PLB1: variants seen among roughly 807,000 people sequenced by gnomAD.
The protein encoded by PLB1 is phospholipase B1, membrane-associated.
In PLB1, 242 loss-of-function variants were observed where a neutral mutation model predicts 227.4. The observed-to-expected ratio is 1.06, with a 90% CI of 0.96 to 1.18. The LOEUF is 1.18. Among genes scored for constraint, PLB1 ranks in the 50% most tolerant of loss-of-function variants. PLB1 has a pLI of 0.00. For synonymous variants in PLB1, 757 were observed against 682.2 expected (o/e 1.11, Z -1.71); for missense variants, 1,858 against 1,816.3 (o/e 1.02, Z -0.42).
At chr2:28,599,012 T>C (rs1683437332) in intron 35 of PLB1, among the ~76,000 whole-genome samples, 1 of 152,228 alleles carries the variant, frequency 6.6e-6, no homozygotes, top group Non-Finnish European at 1.5e-5. Flanking sequence ...GTTCTCATAA[T>C]TGGACGAATC....
chr2:28,610,417 C>G (rs1558910874), intron 43 of PLB1, among the ~76,000 whole-genome samples: 1 of 152,046 alleles, frequency 6.6e-6, no homozygotes, highest in Non-Finnish European at 1.5e-5. Context: ...TCCCAAAGTG[C>G]TGGGATTACA....
At chr2:28,509,461 C>A (rs975018947) in intron 1 of PLB1, among the ~76,000 whole-genome samples, 53 of 152,228 alleles carry the variant, frequency 3.5e-4, no homozygotes, top group Non-Finnish European at 7.3e-5. Context: ...CTGAGAGCCA[C>A]TGCTTTAGAA....
chr2:28,531,314 T>C (rs1393178355), intron 8 of PLB1, among the ~76,000 whole-genome samples: 1 of 152,186 alleles, frequency 6.6e-6, no homozygotes, highest in Non-Finnish European at 1.5e-5. Flanking sequence ...TTGTTTTGTT[T>C]TGTTTTGTTT....
chr2:28,630,454 C>T lies in PLB1; in HGVS notation c.3819-132C>T, dbSNP rs187657656. On this transcript the variant is annotated intron_variant, in intron 53 of 57. Coordinates refer to ENST00000327757, the MANE Select transcript of PLB1 (RefSeq NM_153021.5). The stretch of plus-strand genomic sequence containing the variant: ...GTGGGGATACTTGTGTGTCACCCCC[C>T]GCCCTAGGTAAGGCAGCACAGGCTG... The T allele has an allele frequency of 6.4e-4, 417 of 650,782 alleles. No homozygotes were observed. The African/African-American group carries it at 6.6e-3, about 10-fold the overall frequency. 40.3% of individuals were successfully genotyped at this position (650,782 alleles called of 1,614,324 possible).
chr2:28,524,843 T>TA (rs1670010488), intron 4 of PLB1, among the ~76,000 whole-genome samples: 2 of 107,888 alleles, frequency 1.9e-5, no homozygotes, highest in African/African-American at 8.2e-5. Context: ...TCTCTCTCTC[T>TA]CTTTTTTTTT....
intron 25 of PLB1, chr2:28,585,443 T>G: frequency 3.7e-6 from 1 of 271,786 alleles, no homozygotes; most frequent in African/African-American, 2.2e-5. Flanking sequence ...CCCAAGCTAA[T>G]AGTTTGTATT....
chr2:28,598,003 A>G lies in PLB1; in HGVS notation c.2322-2A>G, dbSNP rs183589107. On this transcript the variant is annotated splice_acceptor_variant, in intron 33 of 57. Transcript: ENST00000327757. LOFTEE classifies it high-confidence loss of function. ...ATTCACTGGCTTGCTCACTCCCTAC[A>G]GTGCAGGAGGGGACGGCTCCCTGGA... 7.4e-6 allele frequency: 12 copies of G among 1,612,522 alleles called. No homozygotes were observed. In the Admixed American group the frequency reaches 1.7e-4, roughly 22 times the overall value.
intron 33 of PLB1, 75 bp downstream of exon 33, chr2:28,593,829 A>G: frequency 7.5e-7 from 1 of 1,331,826 alleles, no homozygotes; most frequent in Non-Finnish European, 1.1e-6. Context: ...TCCTGTAAAT[A>G]TGTAAATCCC....
chr2:28,511,672 T>C (rs1668272494), intron 1 of PLB1, among the ~76,000 whole-genome samples: 1 of 152,248 alleles, frequency 6.6e-6, no homozygotes, highest in Non-Finnish European at 1.5e-5. Flanking sequence ...ATAGTTGATG[T>C]GTCTAAGTAA....
chr2:28,599,242 C>G (rs1454659735), intron 35 of PLB1, among the ~76,000 whole-genome samples: 1 of 152,228 alleles, frequency 6.6e-6, no homozygotes, highest in Admixed American at 6.5e-5. Flanking sequence ...TGGAGAAGCC[C>G]AGAGGTACCC....
intron 1 of PLB1, among the ~76,000 whole-genome samples, chr2:28,509,886 A>G (rs1226077727): frequency 6.6e-6 from 1 of 152,168 alleles, no homozygotes; most frequent in African/African-American, 2.4e-5. Context: ...GAAAGCAGAG[A>G]AGTAGATTGA....
At chr2:28,567,046 G>T (rs578119497) in intron 20 of PLB1, among the ~76,000 whole-genome samples, 5 of 151,814 alleles carry the variant, frequency 3.3e-5, no homozygotes, top group African/African-American at 1.2e-4. Flanking sequence ...AACGAGGTTC[G>T]GGGCTTGGGG....
intron 20 of PLB1, among the ~76,000 whole-genome samples, chr2:28,570,102 A>G (rs1402946343): frequency 6.6e-6 from 1 of 152,220 alleles, no homozygotes. Flanking sequence ...TCTATCAAAC[A>G]TTAGTATCAA....
At position 28,548,431 on chromosome 2, in the gene PLB1, C is replaced by T. The variant is rs1022320915; in HGVS notation, c.937-429C>T. The T allele has an allele frequency of 7.8e-6, 3 of 383,004 alleles. No homozygotes were observed. The East Asian group carries it at 2.2e-4, about 29-fold the overall frequency. 23.7% of individuals were successfully genotyped at this position (383,004 alleles called of 1,614,324 possible). A position where few individuals can be genotyped will look rare whatever the true frequency, so the allele number is the denominator to read the frequency against. On this transcript the variant is annotated intron_variant, in intron 14 of 57. Coordinates refer to ENST00000327757, the MANE Select transcript of PLB1 (RefSeq NM_153021.5). Reference sequence around the variant, plus strand: ...AGCCAAGCTGGATAACCGGCCCCCACGTGATCAGAAAGCTGTGTGACCCAT... The same window carrying T: ...AGCCAAGCTGGATAACCGGCCCCCATGTGATCAGAAAGCTGTGTGACCCAT...
At chr2:28,603,501 T>C (rs1684215124) in intron 39 of PLB1, among the ~76,000 whole-genome samples, 1 of 152,148 alleles carries the variant, frequency 6.6e-6, no homozygotes, top group Admixed American at 6.5e-5. Context: ...TAAGTAGATG[T>C]GATGGGTGTG....
chr2:28,548,807 A>T, intron 14 of PLB1, 53 bp from the exon 15 acceptor site: 1 of 1,564,778 alleles, frequency 6.4e-7, no homozygotes, highest in Non-Finnish European at 8.8e-7. Flanking sequence ...GTGACTTGGC[A>T]GGCTGCTACC....
intron 42 of PLB1, 151 bp downstream of exon 42, chr2:28,606,099 A>C: frequency 1.5e-6 from 1 of 662,516 alleles, no homozygotes; most frequent in Non-Finnish European, 2.6e-6. Context: ...GGAGTCCTTA[A>C]GAGTCTGCTC....
At chr2:28,556,872 T>C (rs773119232) in intron 17 of PLB1, among the ~76,000 whole-genome samples, 1 of 152,206 alleles carries the variant, frequency 6.6e-6, no homozygotes, top group Non-Finnish European at 1.5e-5. Flanking sequence ...CCTTGCTAAG[T>C]CCCTGATGTC....
At chr2:28,561,089 T>C (rs1675991678) in intron 17 of PLB1, among the ~76,000 whole-genome samples, 1 of 152,222 alleles carries the variant, frequency 6.6e-6, no homozygotes, top group Non-Finnish European at 1.5e-5. Flanking sequence ...GGGAAGATCA[T>C]CCCTCCAGCT....
Sources: gnomAD v4.1 joint callset for allele counts (sites outside exome capture counted in the v4.1 genomes callset) on GRCh38, gnomAD v4.1.1 for gene constraint, MANE v1.5 for transcripts, NCBI Gene and HGNC (gene_info 2026-07-23, HGNC 2026-07-21) for gene names.